The following DMD variants were observed in gnomAD, a reference collection of about 807,000 sequenced individuals.
DMD encodes the protein mutant dystrophin.
In DMD, 63 loss-of-function variants were observed where a neutral mutation model predicts 330.1. The ratio of observed to expected loss-of-function variants is 0.19; its 90% CI spans 0.16 to 0.24. The LOEUF is 0.24. Among genes scored for constraint, DMD ranks in the 10% least tolerant of loss-of-function variants. The pLI, the probability that DMD is intolerant of heterozygous loss-of-function variation, is 1.00. For missense variants in DMD, 3,344 were observed against 2,684.1 expected (o/e 1.25, Z -5.43); for synonymous variants, 1,223 against 959.8 (o/e 1.27, Z -5.07).
At chrX:32,189,477 G>A (rs1476656234) in intron 44 of DMD, among the ~76,000 whole-genome samples, 1 of 110,239 alleles carries the variant, frequency 9.1e-6, no homozygotes, top group Non-Finnish European at 1.9e-5. Context: ...TGCTTCCAAT[G>A]CCACAACTGC....
At chrX:31,713,236 T>C (rs1434376425) in intron 52 of DMD, among the ~76,000 whole-genome samples, 1 of 109,442 alleles carries the variant, frequency 9.1e-6, no homozygotes, top group African/African-American at 3.4e-5. Context: ...ATCCAGCCTC[T>C]GATCTACTTC....
At chrX:32,330,258 A>G (rs765362073) in intron 41 of DMD, among the ~76,000 whole-genome samples, 4 of 112,531 alleles carry the variant, frequency 3.6e-5, no homozygotes, top group Non-Finnish European at 7.5e-5. Context: ...ACTGGATCAT[A>G]AAGGAGGGCA....
At chrX:32,181,860 C>T (rs2096928149) in intron 44 of DMD, among the ~76,000 whole-genome samples, 4 of 112,047 alleles carry the variant, frequency 3.6e-5, no homozygotes, top group Admixed American at 9.5e-5. Context: ...CTATATCCCC[C>T]ACTTGAAATA....
At chrX:31,509,934 C>G (rs3761603) in intron 55 of DMD, among the ~76,000 whole-genome samples, 8,979 of 111,537 alleles carry the variant, frequency 0.081, 432 homozygotes, top group African/African-American at 0.18. Context: ...ATATTGACGG[C>G]AATTCCTGCC....
At chrX:32,661,950 TTAA>T (rs1187593712) in intron 9 of DMD, among the ~76,000 whole-genome samples, 1 of 111,615 alleles carries the variant, frequency 9.0e-6, no homozygotes, top group Non-Finnish European at 1.9e-5. Context: ...CTGTCAAAAC[TTAA>T]AACACACCCA....
At chrX:32,022,552 A>G (rs1031730904) in intron 44 of DMD, among the ~76,000 whole-genome samples, 1 of 112,499 alleles carries the variant, frequency 8.9e-6, no homozygotes, top group African/African-American at 3.2e-5. Context: ...TTTTTAAGAG[A>G]AAAAGGGAAT....
chrX:31,169,638 C>G (rs985430425), intron 73 of DMD, 37 bp from the exon 74 acceptor site: 1 of 1,154,482 alleles, frequency 8.7e-7, no homozygotes, highest in African/African-American at 1.8e-5. Flanking sequence ...TTTTTTCCCC[C>G]CCTTATTTTG....
chrX:32,518,087 G>A lies in DMD; in HGVS notation c.2213C>T (p.Ser738Leu), dbSNP rs1338930949. ...TTCAGGACTCTGCAACACAGCTTCT[G>A]AGCGAGTAATCCAGCTGTGAAGTTC... ...ITELHSWITR[S>L]EAVLQSPEFA... Residue 738 changes from serine (S) to leucine (L), a missense_variant, in exon 18 of 79, where the codon TCA becomes TTA. Ser to Leu is a moderately radical substitution (Grantham distance 145). Transcript: ENST00000357033. 10 of 1,207,905 alleles carry A rather than the reference G, an allele frequency of 8.3e-6. No homozygotes were observed. Among genetic ancestry groups the A allele is most frequent in the Admixed American group, 2.2e-5 (1 of 45,700 alleles).
intron 2 of DMD, among the ~76,000 whole-genome samples, chrX:32,853,306 T>C (rs1414966155): frequency 1.8e-5 from 2 of 111,249 alleles, no homozygotes; most frequent in African/African-American, 6.6e-5. Flanking sequence ...CACAAACTAT[T>C]GTAATACTGT....
chrX:32,643,992 C>G, intron 11 of DMD, 140 bp downstream of exon 11: 4 of 523,211 alleles, frequency 7.6e-6, no homozygotes, highest in Non-Finnish European at 1.2e-5. Flanking sequence ...CTATGAAAAT[C>G]CAACCAGTCT....
chrX:32,765,414 C>G, intron 7 of DMD, among the ~76,000 whole-genome samples: 1 of 111,037 alleles, frequency 9.0e-6, no homozygotes, highest in East Asian at 2.9e-4. Flanking sequence ...GGTCACCCTT[C>G]CCTTTCTGCT....
At chrX:32,977,071 C>T (rs1029497476) in intron 2 of DMD, among the ~76,000 whole-genome samples, 2 of 111,231 alleles carry the variant, frequency 1.8e-5, no homozygotes, top group Non-Finnish European at 3.8e-5. Flanking sequence ...TGGGGCGGAT[C>T]GCTTGAGGTC....
At chrX:32,129,198 G>A (rs956443594) in intron 44 of DMD, among the ~76,000 whole-genome samples, 1 of 111,540 alleles carries the variant, frequency 9.0e-6, no homozygotes, top group South Asian at 3.7e-4. Flanking sequence ...ACTCTTGACT[G>A]CAAATAAAAG....
intron 44 of DMD, among the ~76,000 whole-genome samples, chrX:32,178,971 T>TCCCC (rs1557194187): frequency 4.8e-5 from 5 of 103,504 alleles, no homozygotes; most frequent in African/African-American, 1.9e-4. Flanking sequence ...TCTCTCTCTC[T>TCCCC]CTCTCTCTCT....
intron 43 of DMD, among the ~76,000 whole-genome samples, chrX:32,257,079 A>G (rs770838404): frequency 8.9e-6 from 1 of 111,948 alleles, no homozygotes; most frequent in East Asian, 2.8e-4. Context: ...CTACAAAGAG[A>G]ATAAAGTGCC....
intron 1 of DMD, among the ~76,000 whole-genome samples, chrX:33,111,433 T>G (rs1240157134): frequency 8.9e-6 from 1 of 112,250 alleles, no homozygotes; most frequent in South Asian, 3.7e-4. Flanking sequence ...CCTATCAGCC[T>G]GAAGCCTGAT....
chrX:32,571,532 C>A (rs1273237319), intron 15 of DMD, among the ~76,000 whole-genome samples: 1 of 111,701 alleles, frequency 9.0e-6, no homozygotes, highest in Admixed American at 9.5e-5. Context: ...CTATTCGTTT[C>A]ACTTAATGTG....
At chrX:33,041,035 T>C (rs1283043865) in intron 1 of DMD, among the ~76,000 whole-genome samples, 1 of 112,627 alleles carries the variant, frequency 8.9e-6, no homozygotes, top group African/African-American at 3.2e-5. Flanking sequence ...AATGATGCAA[T>C]GGAATTGCTA....
rs192227532 is a variant in DMD, at chrX:33,008,590, G to A, written c.93+11549C>T. 4.9e-3 allele frequency among the ~76,000 whole-genome samples: 539 copies of A among 109,664 alleles called. 1 individual carries two copies. The highest frequency in any genetic ancestry group is 8.0e-3 in the Non-Finnish European group (417 of 52,419). ...AAAAATATATAGTAGCCCATGAAAG[G>A]ATTGCAGTGAAAGAAATTTGCGGAT... On this transcript the variant is annotated intron_variant, in intron 2 of 78. Transcript: ENST00000357033.
Sources: allele counts gnomAD v4.1 joint callset (sites outside exome capture counted in the v4.1 genomes callset), GRCh38; gene constraint gnomAD v4.1.1; transcripts MANE v1.5; gene names NCBI Gene and HGNC (gene_info 2026-07-23, HGNC 2026-07-21).